Variants in GNAL observed in about 807,000 individuals in gnomAD.
GNAL encodes G protein subunit alpha L.
In GNAL, 18 loss-of-function variants were observed where a neutral mutation model predicts 55.1. That is an observed-to-expected ratio of 0.33 (90% CI 0.23 to 0.48). GNAL has a LOEUF of 0.48. Ranked by LOEUF, GNAL falls within the 20% of genes least tolerant of loss-of-function variation. The pLI is 0.99. For synonymous variants in GNAL, 253 were observed against 237.0 expected (o/e 1.07, Z -0.62); for missense variants, 412 against 614.1 (o/e 0.67, Z 3.48).
intron 5 of GNAL, chr18:11,852,203 A>G: frequency 7.1e-7 from 1 of 1,413,318 alleles, no homozygotes; most frequent in East Asian, 2.5e-5. Context: ...GAAACTCTGA[A>G]CACGCCAGAA....
chr18:11,715,869 T>G (rs1381370489), intron 1 of GNAL, among the ~76,000 whole-genome samples: 1 of 151,800 alleles, frequency 6.6e-6, no homozygotes, highest in East Asian at 1.9e-4. Context: ...AATTAACAAT[T>G]TGCTAATGAA....
intron 4 of GNAL, among the ~76,000 whole-genome samples, chr18:11,804,065 C>T (rs1453545751): frequency 6.9e-6 from 1 of 145,792 alleles, no homozygotes; most frequent in Non-Finnish European, 1.5e-5. Flanking sequence ...GTTTGGAACA[C>T]GGAGATACTG....
rs2032844183 is a variant in GNAL, at chr18:11,751,804, C to T, written c.377-1049C>T. The T allele has an allele frequency of 3.1e-6, 1 of 319,642 alleles. No homozygotes were observed. Among genetic ancestry groups the T allele is most frequent in the Non-Finnish European group, 4.5e-6 (1 of 221,068 alleles). 19.8% of individuals were successfully genotyped at this position (319,642 alleles called of 1,614,324 possible). A position where few individuals can be genotyped will look rare whatever the true frequency, so the allele number is the denominator to read the frequency against. ...GAGAGCTCCGGGACCAGCGGCCCGGCCGCCCCCAAAGCCAGCCTCCCTCTC... is the reference window on the plus strand; with the variant it reads ...GAGAGCTCCGGGACCAGCGGCCCGGTCGCCCCCAAAGCCAGCCTCCCTCTC... On this transcript the variant is annotated intron_variant, in intron 1 of 11. Transcript: ENST00000334049. This position sits in a 1 kb window ranked among gnomAD's most constrained non-coding sequence, Gnocchi z 4.5.
At chr18:11,785,511 TG>T (rs1466682827) in intron 4 of GNAL, among the ~76,000 whole-genome samples, 1 of 152,266 alleles carries the variant, frequency 6.6e-6, no homozygotes, top group Non-Finnish European at 1.5e-5. Flanking sequence ...ACAGCTTCTC[TG>T]GCCCCCGCCC....
intron 1 of GNAL, among the ~76,000 whole-genome samples, chr18:11,703,352 T>C (rs1224413542): frequency 1.3e-5 from 2 of 152,246 alleles, no homozygotes; most frequent in African/African-American, 2.4e-5. Context: ...CTAATTGATA[T>C]ATGTGACCTA....
intron 4 of GNAL, among the ~76,000 whole-genome samples, chr18:11,805,643 ATAGTGACCTCCAG>A: frequency 6.6e-6 from 1 of 152,272 alleles, no homozygotes; most frequent in African/African-American, 2.4e-5. Flanking sequence ...TTTCCTTAAG[ATAGTGACCTCCAG>A]TTCCCTCCAT....
chr18:11,851,423 G>A, intron 5 of GNAL: 1 of 1,414,126 alleles, frequency 7.1e-7, no homozygotes, highest in South Asian at 1.5e-5. Context: ...CAAAACAAAG[G>A]AGCGGCGGCC....
intron 4 of GNAL, among the ~76,000 whole-genome samples, chr18:11,798,818 T>G (rs2034451061): frequency 6.6e-6 from 1 of 152,114 alleles, no homozygotes; most frequent in Non-Finnish European, 1.5e-5. Context: ...GTTAAGTAGT[T>G]TAACATACGT....
chr18:11,863,918 G>C (rs562117124), intron 6 of GNAL, among the ~76,000 whole-genome samples: 89 of 152,292 alleles, frequency 5.8e-4, no homozygotes, highest in African/African-American at 2.1e-3. Flanking sequence ...TGTCCCTCTG[G>C]AATGCTGATG....
chr18:11,698,609 G>T lies in GNAL; in HGVS notation c.376+8670G>T, dbSNP rs530883417. The stretch of plus-strand genomic sequence containing the variant: ...GACAGGAAGACACTGAAGCAGTGAC[G>T]GTGGCTGCTCTTGGGAGGACTTTGC... On this transcript the variant is annotated intron_variant, in intron 1 of 11. Transcript: ENST00000334049. Among the ~76,000 whole-genome samples the T allele has an allele frequency of 6.6e-5, 10 of 152,208 alleles. No individual in the cohort carries two copies. The South Asian group carries it at 2.1e-3, about 32-fold the overall frequency.
intron 4 of GNAL, among the ~76,000 whole-genome samples, chr18:11,778,025 TTGTGCCTGAGATTCCA>T (rs1166897192): frequency 6.6e-6 from 1 of 152,176 alleles, no homozygotes; most frequent in East Asian, 1.9e-4. Flanking sequence ...CCAGCTTGTG[TTGTGCCTGAGATTCCA>T]TGGCATCACT....
At chr18:11,730,917 A>G (rs1224970549) in intron 1 of GNAL, among the ~76,000 whole-genome samples, 1 of 152,228 alleles carries the variant, frequency 6.6e-6, no homozygotes, top group East Asian at 1.9e-4. Context: ...CAAACAAACA[A>G]AAACCTTTAG....
At chr18:11,720,373 G>A (rs1183963299) in intron 1 of GNAL, among the ~76,000 whole-genome samples, 1 of 152,162 alleles carries the variant, frequency 6.6e-6, no homozygotes, top group Non-Finnish European at 1.5e-5. Flanking sequence ...ACTGTTTTGG[G>A]GGAGGGATAA....
chr18:11,723,887 A>G (rs1444257297), intron 1 of GNAL, among the ~76,000 whole-genome samples: 1 of 152,214 alleles, frequency 6.6e-6, no homozygotes, highest in Non-Finnish European at 1.5e-5. Context: ...TTTTGTACAC[A>G]AAAAGAATTC....
rs150629864 is a variant in GNAL, at chr18:11,699,495, G to A, written c.376+9556G>A. ...CTCCTAAAGTTCTGGGATTACAGGC[G>A]TGAGCCACCGTGCCCAGCTGGGTCT... On this transcript the variant is annotated intron_variant, in intron 1 of 11. Transcript: ENST00000334049. Among the ~76,000 whole-genome samples, 518 of 151,804 alleles carry A rather than the reference G, an allele frequency of 3.4e-3. 3 individuals carry two copies. The highest frequency in any genetic ancestry group is 0.012 in the African/African-American group (498 of 41,406).
intron 5 of GNAL, chr18:11,851,989 G>A (rs1221080522): frequency 6.2e-7 from 1 of 1,613,724 alleles, no homozygotes. Context: ...GGCAGATGAG[G>A]CGGGCCTCGA....
At chr18:11,742,647 G>C (rs1474035668) in intron 1 of GNAL, among the ~76,000 whole-genome samples, 1 of 152,214 alleles carries the variant, frequency 6.6e-6, no homozygotes, top group Non-Finnish European at 1.5e-5. Context: ...CCTCCTGGGC[G>C]ATAGCAGTTC....
At position 11,847,398 on chromosome 18, in the gene GNAL, C is replaced by A. The variant is rs78922014; in HGVS notation, c.723-14997C>A. 7.0e-3 allele frequency among the ~76,000 whole-genome samples: 1,001 copies of A among 142,382 alleles called. 16 individuals are homozygous for A. The highest frequency in any genetic ancestry group is 0.024 in the African/African-American group (937 of 39,326). The allele number at this position is 142,382 out of a possible 152,430, so 93.4% of individuals were successfully genotyped here. On this transcript the variant is annotated intron_variant, in intron 5 of 11. Transcript: ENST00000334049. ...AGTTATTTTTCACATCTTTTATTTT[C>A]TTTTTTTTTTTTTTGAGTGACTTCA...
chr18:11,703,535 CTTTG>C (rs1294951086), intron 1 of GNAL, among the ~76,000 whole-genome samples: 1 of 152,078 alleles, frequency 6.6e-6, no homozygotes, highest in African/African-American at 2.4e-5. Context: ...TTAACTGGTA[CTTTG>C]TTTTAGAATT....
Sources: allele counts gnomAD v4.1 joint callset (sites outside exome capture counted in the v4.1 genomes callset), GRCh38; gene constraint gnomAD v4.1.1; non-coding constraint Gnocchi (gnomAD v3.1); transcripts MANE v1.5; gene names NCBI Gene and HGNC (gene_info 2026-07-23, HGNC 2026-07-21).